The following FGF13 variants were observed in gnomAD, a reference collection of about 807,000 sequenced individuals.
The protein encoded by FGF13 is fibroblast growth factor 13, also known as fibroblast growth factor homologous factor 2.
In FGF13, 2 loss-of-function variants were observed where a neutral mutation model predicts 19.5. The observed-to-expected ratio is 0.10, with a 90% CI of 0.04 to 0.32. FGF13 has a LOEUF of 0.32. Ranked by LOEUF, FGF13 falls within the 10% of genes least tolerant of loss-of-function variation. The pLI, the probability that FGF13 is intolerant of heterozygous loss-of-function variation, is 1.00. For missense variants in FGF13, 113 were observed against 192.7 expected, an observed-to-expected ratio of 0.59 and a Z score of 2.45; for synonymous variants, 72 against 76.9, an observed-to-expected ratio of 0.94 and a Z score of 0.33.
At chrX:138,652,731 CTT>C (rs2089389312) in intron 3 of FGF13, among the ~76,000 whole-genome samples, 3 of 112,000 alleles carry the variant, frequency 2.7e-5, no homozygotes, top group African/African-American at 9.7e-5. Context: ...TATGAATACT[CTT>C]TTGAGCTAAA....
intron 3 of FGF13, among the ~76,000 whole-genome samples, chrX:138,812,718 T>TA (rs1881205379): frequency 8.9e-6 from 1 of 111,814 alleles, no homozygotes; most frequent in African/African-American, 3.3e-5. Context: ...TTTTGGATTT[T>TA]AAAAAAATTT....
chrX:138,773,510 A>G (rs1435356003), intron 3 of FGF13, among the ~76,000 whole-genome samples: 1 of 112,255 alleles, frequency 8.9e-6, no homozygotes, highest in Non-Finnish European at 1.9e-5. Context: ...CCACTCTGAA[A>G]TACTGAATTT....
At chrX:138,734,630 C>A in intron 1 of FGF13, among the ~76,000 whole-genome samples, 1 of 111,916 alleles carries the variant, frequency 8.9e-6, no homozygotes, top group East Asian at 2.9e-4. Flanking sequence ...CAAATTTTCA[C>A]ATACATTTAA....
intron 1 of FGF13, among the ~76,000 whole-genome samples, chrX:138,882,681 G>A (rs1485833373): frequency 8.9e-6 from 1 of 111,855 alleles, no homozygotes; most frequent in Non-Finnish European, 1.9e-5. Context: ...AGTTGGGCTG[G>A]TTTCAGTACA....
At chrX:138,867,790 T>A (rs1006548704) in intron 1 of FGF13, among the ~76,000 whole-genome samples, 1 of 95,923 alleles carries the variant, frequency 1.0e-5, no homozygotes, top group Non-Finnish European at 2.1e-5. Flanking sequence ...TAAATCTATC[T>A]ATCTATCTAT....
At chrX:138,936,805 C>T (rs2091733351) in intron 1 of FGF13, among the ~76,000 whole-genome samples, 1 of 111,976 alleles carries the variant, frequency 8.9e-6, no homozygotes, top group Non-Finnish European at 1.9e-5. Flanking sequence ...TAATGTTTCC[C>T]CATTCTCCCT....
chrX:139,065,336 C>T (rs1175195190), intron 1 of FGF13, among the ~76,000 whole-genome samples: 10 of 109,291 alleles, frequency 9.1e-5, no homozygotes, highest in Admixed American at 2.0e-4. Context: ...GGCTAAATGC[C>T]CCAATTAAAA....
chrX:139,199,940 C>T (rs1186591126), intron 1 of FGF13, among the ~76,000 whole-genome samples: 1 of 112,415 alleles, frequency 8.9e-6, no homozygotes, highest in Non-Finnish European at 1.9e-5. Context: ...CACGCTGCTA[C>T]AAATAATTAT....
intron 3 of FGF13, among the ~76,000 whole-genome samples, chrX:138,830,182 C>A (rs2091061621): frequency 1.8e-5 from 2 of 111,968 alleles, no homozygotes; most frequent in Non-Finnish European, 3.8e-5. Context: ...GAGGCTGGAA[C>A]AATTTGGAGG....
chrX:138,921,208 C>A (rs987944664), intron 1 of FGF13, among the ~76,000 whole-genome samples: 1 of 111,454 alleles, frequency 9.0e-6, no homozygotes, highest in Admixed American at 9.6e-5. Context: ...CTCTACTGAG[C>A]ATGACATTTT....
chrX:138,731,447 T>A (rs1395628292), intron 1 of FGF13, among the ~76,000 whole-genome samples: 33 of 91,462 alleles, frequency 3.6e-4, no homozygotes, highest in Admixed American at 2.4e-4. Flanking sequence ...AAGTCATGAG[T>A]AAAAAAAAAA....
intron 1 of FGF13, among the ~76,000 whole-genome samples, chrX:138,972,984 A>C (rs1434498766): frequency 9.0e-6 from 1 of 111,080 alleles, no homozygotes; most frequent in Non-Finnish European, 1.9e-5. Context: ...GTTGAGCTTT[A>C]TAATTTATTT....
intron 3 of FGF13, among the ~76,000 whole-genome samples, chrX:138,691,541 T>C (rs1201990042): frequency 8.9e-6 from 1 of 112,213 alleles, no homozygotes; most frequent in Non-Finnish European, 1.9e-5. Context: ...GACTCACATC[T>C]CTTTCTATCA....
At chrX:139,144,880 AAT>A (rs1256819146) in intron 1 of FGF13, among the ~76,000 whole-genome samples, 1 of 111,807 alleles carries the variant, frequency 8.9e-6, no homozygotes, top group Admixed American at 9.5e-5. Flanking sequence ...AAAATTTTTA[AAT>A]ATTCAGGTAT....
rs2091801647 is a variant in FGF13, at chrX:138,949,922, A to G, written c.-112-85272T>C. Reference sequence around the variant, plus strand: ...CTTTGATGCATAAGGCAAAAGGAATACTCAGTTTTTTGTGCTTCTGTCCAT... The same window carrying G: ...CTTTGATGCATAAGGCAAAAGGAATGCTCAGTTTTTTGTGCTTCTGTCCAT... On this transcript the variant is annotated intron_variant, in intron 1 of 2. Transcript: ENST00000421460. Among the ~76,000 whole-genome samples the G allele has an allele frequency of 3.6e-5, 4 of 111,716 alleles. No individual in the cohort carries two copies. In the Admixed American group the frequency reaches 3.8e-4, roughly 11 times the overall value.
At chrX:138,945,507 G>A (rs1310517095) in intron 1 of FGF13, among the ~76,000 whole-genome samples, 1 of 111,686 alleles carries the variant, frequency 9.0e-6, no homozygotes, top group Non-Finnish European at 1.9e-5. Context: ...CAGTGGGGGG[G>A]TCATTCCTAG....
At chrX:139,006,908 A>T (rs2092103801) in intron 1 of FGF13, among the ~76,000 whole-genome samples, 2 of 111,617 alleles carry the variant, frequency 1.8e-5, no homozygotes, top group South Asian at 7.5e-4. Flanking sequence ...TCTTCCCTAA[A>T]AGGAAGACAA....
In FGF13 at chrX:138,984,518, G is replaced by C. The variant is rs1164809442; in HGVS notation, c.-112-119868C>G. ...AGGAGAAGGAGAAGAAGAGGAAGAA[G>C]AAGAGGAAGAAGAAGAAGAAGAAGA... On this transcript the variant is annotated intron_variant, in intron 1 of 2. Transcript: ENST00000421460. Among the ~76,000 whole-genome samples the C allele has an allele frequency of 1.9e-4, 4 of 21,514 alleles. 1 individual carries two copies. Among genetic ancestry groups the C allele is most frequent in the Non-Finnish European group, 4.2e-4 (4 of 9,507 alleles). 18.7% of individuals were successfully genotyped at this position (21,514 alleles called of 115,157 possible).
At chrX:139,045,674 T>G (rs891465121) in intron 1 of FGF13, among the ~76,000 whole-genome samples, 4 of 112,397 alleles carry the variant, frequency 3.6e-5, no homozygotes, top group Non-Finnish European at 7.5e-5. Flanking sequence ...TCATTACTCT[T>G]TAGTTCAAAC....
Sources: allele counts gnomAD v4.1 joint callset (sites outside exome capture counted in the v4.1 genomes callset), GRCh38; gene constraint gnomAD v4.1.1; transcripts MANE v1.5; gene names NCBI Gene and HGNC (gene_info 2026-07-23, HGNC 2026-07-21).